The following RSRC1 variants were observed in gnomAD, a reference collection of about 807,000 sequenced individuals.
RSRC1 encodes serine/Arginine-related protein 53.
RSRC1 carries 39 observed loss-of-function variants against 49.1 expected under a neutral mutation model. The observed-to-expected ratio is 0.79, with a 90% CI of 0.61 to 1.04. The LOEUF (loss-of-function observed/expected upper bound fraction) is 1.04, where lower values mean the gene tolerates loss of function less well. Ranked by LOEUF, RSRC1 falls within the 50% of genes least tolerant of loss-of-function variation. The pLI, the probability that RSRC1 is intolerant of heterozygous loss-of-function variation, is 0.00. For synonymous variants in RSRC1, 143 were observed against 130.8 expected, an observed-to-expected ratio of 1.09 and a Z score of -0.63; for missense variants, 388 against 402.4, an observed-to-expected ratio of 0.96 and a Z score of 0.31.
chr3:158,504,748 A>G (rs904973720), intron 7 of RSRC1, among the ~76,000 whole-genome samples: 1 of 152,262 alleles, frequency 6.6e-6, no homozygotes, highest in Non-Finnish European at 1.5e-5. Context: ...TGGAGGCTAT[A>G]TAAATACAAA....
intron 3 of RSRC1, among the ~76,000 whole-genome samples, chr3:158,126,129 T>C (rs1715609788): frequency 6.6e-6 from 1 of 152,132 alleles, no homozygotes; most frequent in Non-Finnish European, 1.5e-5. Flanking sequence ...ACTGTAATTG[T>C]ATTTTGTGTG....
intron 7 of RSRC1, among the ~76,000 whole-genome samples, chr3:158,487,930 A>T (rs1163737441): frequency 7.5e-6 from 1 of 133,984 alleles, no homozygotes; most frequent in Non-Finnish European, 1.6e-5. Context: ...AGCCTAGGAG[A>T]CAAGAGACTC....
chr3:158,158,601 G>C (rs1718023615), intron 3 of RSRC1, among the ~76,000 whole-genome samples: 1 of 152,110 alleles, frequency 6.6e-6, no homozygotes, highest in South Asian at 2.1e-4. Context: ...AACAAACATG[G>C]ATGAGAATTT....
intron 7 of RSRC1, among the ~76,000 whole-genome samples, chr3:158,462,361 G>C (rs1230658948): frequency 6.6e-6 from 1 of 151,944 alleles, no homozygotes; most frequent in East Asian, 1.9e-4. Flanking sequence ...TATGTTGTGT[G>C]GCATTCTGAT....
chr3:158,321,974 T>TACACAC lies in RSRC1; in HGVS notation c.531+23927_531+23932dup, dbSNP rs71144456. Among the ~76,000 whole-genome samples, 427 of 148,506 alleles carry TACACAC rather than the reference T, an allele frequency of 2.9e-3. 2 individuals carry two copies. The highest frequency in any genetic ancestry group is 8.8e-3 in the African/African-American group (358 of 40,524). On this transcript the variant is annotated intron_variant, in intron 5 of 9. Coordinates refer to ENST00000611884, the MANE Select transcript of RSRC1 (RefSeq NM_001271838.2). Reference sequence around the variant, plus strand: ...ATTAAGAGAAGAAACTTTTAACACCTACACACACACACACACACACACACA... The same window carrying TACACAC: ...ATTAAGAGAAGAAACTTTTAACACCTACACACACACACACACACACACACACACACA...
intron 6 of RSRC1, among the ~76,000 whole-genome samples, chr3:158,452,590 G>A (rs879465291): frequency 6.6e-6 from 1 of 152,178 alleles, no homozygotes; most frequent in Non-Finnish European, 1.5e-5. Context: ...CAGTGTTTGT[G>A]AAATGCCATA....
chr3:158,325,988 G>A (rs1729107821), intron 5 of RSRC1, among the ~76,000 whole-genome samples: 1 of 152,122 alleles, frequency 6.6e-6, no homozygotes, highest in Non-Finnish European at 1.5e-5. Flanking sequence ...TCTCTTTGAA[G>A]CAATAGTGAA....
chr3:158,326,425 A>G lies in RSRC1; in HGVS notation c.531+28350A>G, dbSNP rs1479605500. Among the ~76,000 whole-genome samples the G allele has an allele frequency of 2.6e-5, 4 of 152,144 alleles. No homozygotes were observed. The South Asian group carries it at 8.3e-4, about 32-fold the overall frequency. Reference sequence around the variant, plus strand: ...TTCCATCAATACCTGACTTATTGAGAGTTTTTAGCATGAGGCATTGTTGAA... The same window carrying G: ...TTCCATCAATACCTGACTTATTGAGGGTTTTTAGCATGAGGCATTGTTGAA... On this transcript the variant is annotated intron_variant, in intron 5 of 9. Transcript: ENST00000611884.
intron 4 of RSRC1, among the ~76,000 whole-genome samples, chr3:158,290,500 T>C (rs867726219): frequency 1.8e-4 from 28 of 152,174 alleles, no homozygotes; most frequent in South Asian, 1.0e-3. Context: ...TGGTCTCGAT[T>C]TCCTGACCTC....
intron 6 of RSRC1, among the ~76,000 whole-genome samples, chr3:158,445,861 T>C (rs1457180063): frequency 1.3e-5 from 2 of 152,128 alleles, no homozygotes; most frequent in Admixed American, 1.3e-4. Flanking sequence ...GAGTAACTCA[T>C]GGGTTCACCA....
intron 4 of RSRC1, among the ~76,000 whole-genome samples, chr3:158,254,170 G>A (rs1029664648): frequency 2.6e-5 from 4 of 152,164 alleles, no homozygotes; most frequent in Non-Finnish European, 2.9e-5. Context: ...TATCATTGAT[G>A]GACATTTGGG....
intron 6 of RSRC1, among the ~76,000 whole-genome samples, chr3:158,376,208 T>TA (rs1553795840): frequency 6.9e-6 from 1 of 145,838 alleles, no homozygotes; most frequent in Admixed American, 6.8e-5. Context: ...TTTTTTTTTT[T>TA]AAAGACAGAG....
At chr3:158,420,320 C>T (rs567048523) in intron 6 of RSRC1, among the ~76,000 whole-genome samples, 36 of 152,056 alleles carry the variant, frequency 2.4e-4, no homozygotes, top group African/African-American at 8.4e-4. Context: ...AGTAGTAAAG[C>T]TCATGAAAAG....
intron 3 of RSRC1, among the ~76,000 whole-genome samples, chr3:158,130,166 C>A (rs935726700): frequency 6.6e-6 from 1 of 152,046 alleles, no homozygotes; most frequent in Admixed American, 6.6e-5. Context: ...TTTTGGAGAT[C>A]ATAGAGAGGA....
At chr3:158,217,921 ATAGGATGAG>A (rs1195343977) in intron 4 of RSRC1, among the ~76,000 whole-genome samples, 1 of 151,562 alleles carries the variant, frequency 6.6e-6, no homozygotes, top group East Asian at 1.9e-4. Flanking sequence ...TCCTGAAGAA[ATAGGATGAG>A]TAGGAGTTAG....
At chr3:158,454,379 A>G (rs6762087) in intron 6 of RSRC1, among the ~76,000 whole-genome samples, 2,548 of 152,234 alleles carry the variant, frequency 0.017, 72 homozygotes, top group African/African-American at 0.059. Context: ...TACAAACACT[A>G]AGGTACATAG....
chr3:158,382,366 G>A (rs1323326108), intron 6 of RSRC1, among the ~76,000 whole-genome samples: 2 of 152,072 alleles, frequency 1.3e-5, no homozygotes, highest in Non-Finnish European at 2.9e-5. Flanking sequence ...ATAGTACTGT[G>A]AATACATAAG....
chr3:158,176,548 G>A (rs567116906), intron 3 of RSRC1, among the ~76,000 whole-genome samples: 2 of 152,230 alleles, frequency 1.3e-5, no homozygotes, highest in East Asian at 3.9e-4. Flanking sequence ...CAAGGGGAAA[G>A]GATTCCCTAT....
intron 4 of RSRC1, among the ~76,000 whole-genome samples, chr3:158,211,116 A>G (rs1386912783): frequency 6.6e-6 from 1 of 152,038 alleles, no homozygotes; most frequent in African/African-American, 2.4e-5. Flanking sequence ...TCTATAAAAA[A>G]TTTAGTGGAC....
Sources: allele counts gnomAD v4.1 joint callset (sites outside exome capture counted in the v4.1 genomes callset), GRCh38; gene constraint gnomAD v4.1.1; transcripts MANE v1.5; gene names NCBI Gene and HGNC (gene_info 2026-07-23, HGNC 2026-07-21).